Variants in CCDC88A observed in about 807,000 individuals in gnomAD.
CCDC88A encodes girdin.
A neutral mutation model predicts 234.3 loss-of-function variants in CCDC88A; 54 were observed. The observed-to-expected ratio is 0.23, with a 90% confidence interval of 0.19 to 0.29. CCDC88A has a LOEUF of 0.29. CCDC88A is among the 10% of genes least tolerant of loss of function. CCDC88A has a pLI of 1.00. For missense variants in CCDC88A, 1,832 were observed against 2,123.4 expected (o/e 0.86, Z 2.70); for synonymous variants, 753 against 737.8 (o/e 1.02, Z -0.33).
rs958231118 is a variant in CCDC88A at position 55,290,252 on chromosome 2, G to A, written c.*948C>T. ...ATAAATGATAGCCTTAATTATAAAT[G>A]AGTTTCTGGCAAAATGCAGATCATA... On this transcript the variant is annotated 3_prime_UTR_variant, in exon 33 of 33. Coordinates refer to ENST00000436346, the MANE Select transcript of CCDC88A (RefSeq NM_001365480.1). The A allele has an allele frequency of 2.6e-5, 4 of 152,366 alleles. No homozygotes were observed. Among genetic ancestry groups the A allele is most frequent in the Non-Finnish European group, 5.9e-5 (4 of 67,938 alleles). 9.4% of individuals were successfully genotyped at this position (152,366 alleles called of 1,614,324 possible).
At chr2:55,350,466 C>G (rs1453584047) in intron 8 of CCDC88A, 1 of 151,966 alleles carries the variant, frequency 6.6e-6, no homozygotes, top group Admixed American at 6.6e-5. Flanking sequence ...CCTTCACAGT[C>G]AAGCTCCTTA....
intron 14 of CCDC88A, among the ~76,000 whole-genome samples, chr2:55,336,131 T>C (rs1276351328): frequency 6.6e-6 from 1 of 152,130 alleles, no homozygotes; most frequent in Non-Finnish European, 1.5e-5. Context: ...GTGTTCGAGG[T>C]TGCAGTAAGC....
At chr2:55,380,808 G>T (rs541365921) in intron 3 of CCDC88A, among the ~76,000 whole-genome samples, 1 of 152,098 alleles carries the variant, frequency 6.6e-6, no homozygotes, top group East Asian at 1.9e-4. Context: ...TTGGAGACAG[G>T]GTTTCACCAT....
At position 55,317,896 on chromosome 2, in the gene CCDC88A, C is replaced by A; in HGVS notation, c.3325-55G>T. 8.1e-7 allele frequency: 1 copy of A among 1,227,754 alleles called. No individual in the cohort carries two copies. Among genetic ancestry groups the A allele is most frequent in the Non-Finnish European group, 1.1e-6 (1 of 881,226 alleles). The allele number at this position is 1,227,754 out of a possible 1,614,324, so 76.1% of individuals were successfully genotyped here. On this transcript the variant is annotated intron_variant, in intron 19 of 32. Transcript: ENST00000436346. This position sits in a 1 kb window ranked among gnomAD's most constrained non-coding sequence, Gnocchi z 4.2. The stretch of plus-strand genomic sequence containing the variant: ...AAGAAAAACAGTTCATGTTCTTTTT[C>A]AAAATACAAGATTACAATGTTAATT...
At chr2:55,364,416 A>G (rs1437475757) in intron 5 of CCDC88A, among the ~76,000 whole-genome samples, 1 of 152,090 alleles carries the variant, frequency 6.6e-6, no homozygotes, top group Non-Finnish European at 1.5e-5. Context: ...TTCGGAATAC[A>G]GCCAAAATGC....
At chr2:55,302,607 T>G (rs1681031437) in intron 26 of CCDC88A, 1 of 159,376 alleles carries the variant, frequency 6.3e-6, no homozygotes, top group African/African-American at 2.4e-5. Flanking sequence ...CCATGCCACA[T>G]AAAAAAAGAA....
chr2:55,359,699 T>C (rs751910665), intron 7 of CCDC88A, among the ~76,000 whole-genome samples: 1 of 151,532 alleles, frequency 6.6e-6, no homozygotes, highest in Non-Finnish European at 1.5e-5. Flanking sequence ...ATTATAGTTA[T>C]TTTATTAAAA....
At chr2:55,370,108 C>G (rs1445240899) in intron 5 of CCDC88A, among the ~76,000 whole-genome samples, 3 of 152,084 alleles carry the variant, frequency 2.0e-5, no homozygotes. Context: ...AGATGCAAGT[C>G]TTAAGGGCTC....
At position 55,335,222 on chromosome 2, in the gene CCDC88A, A is replaced by G; in HGVS notation, c.1657-58T>C. On this transcript the variant is annotated intron_variant, in intron 14 of 32. Coordinates refer to ENST00000436346, the MANE Select transcript of CCDC88A (RefSeq NM_001365480.1). This position sits in a 1 kb window ranked among gnomAD's most constrained non-coding sequence, Gnocchi z 4.5. ...ATTGAGGAAAAACTAACTATGGTTT[A>G]TCTCTTCCAAAAACTACCAAGAAAA... 9.0e-7 allele frequency: 1 copy of G among 1,116,490 alleles called. No individual in the cohort carries two copies. Among genetic ancestry groups the G allele is most frequent in the Non-Finnish European group, 1.2e-6 (1 of 809,402 alleles). The allele number at this position is 1,116,490 out of a possible 1,614,324, so 69.2% of individuals were successfully genotyped here.
intron 31 of CCDC88A, among the ~76,000 whole-genome samples, chr2:55,293,101 TCA>T (rs1281757411): frequency 1.3e-5 from 2 of 151,990 alleles, no homozygotes; most frequent in Non-Finnish European, 2.9e-5. Context: ...TGTAAAATAA[TCA>T]CATAATTTTA....
intron 17 of CCDC88A, 28 bp from the exon 18 acceptor site, chr2:55,322,720 G>A: frequency 7.8e-7 from 1 of 1,279,578 alleles, no homozygotes; most frequent in East Asian, 2.5e-5. Flanking sequence ...ATATTTTAAT[G>A]GGGAGAAAAA....
At position 55,363,693 on chromosome 2, in the gene CCDC88A, CAT is replaced by C. The variant is rs1433918390; in HGVS notation, c.486+255_486+256del. Reference sequence around the variant, plus strand: ...GCTTTGTAATCCATTCTAACAAAGACATATACCTCATTCCTCAAATAACACTT... The same window carrying C: ...GCTTTGTAATCCATTCTAACAAAGACATACCTCATTCCTCAAATAACACTT... On this transcript the variant is annotated intron_variant, in intron 6 of 32. Coordinates refer to ENST00000436346, the MANE Select transcript of CCDC88A (RefSeq NM_001365480.1). The C allele has an allele frequency of 1.3e-5, 4 of 310,032 alleles. No individual in the cohort carries two copies. The Admixed American group carries it at 2.0e-4, about 15-fold the overall frequency. The allele number at this position is 310,032 out of a possible 1,614,324, so 19.2% of individuals were successfully genotyped here. A position where few individuals can be genotyped will look rare whatever the true frequency, so the allele number is the denominator to read the frequency against.
chr2:55,294,596 G>A (rs1489882778), intron 31 of CCDC88A: 4 of 985,894 alleles, frequency 4.1e-6, no homozygotes, highest in African/African-American at 1.8e-5. Flanking sequence ...GTAATATAAA[G>A]TACACATTCT....
chr2:55,334,342 G>T lies in CCDC88A; in HGVS notation c.2479C>A (p.Leu827Met). 1 of 1,521,104 alleles carries T rather than the reference G, an allele frequency of 6.6e-7. No homozygotes were observed. Among genetic ancestry groups the T allele is most frequent in the Non-Finnish European group, 8.8e-7 (1 of 1,142,460 alleles). The allele number at this position is 1,521,104 out of a possible 1,614,324, so 94.2% of individuals were successfully genotyped here. The change falls in exon 15 of 33, where the codon CTG (leucine) becomes ATG (methionine). Residue 827 changes from leucine to methionine, a missense_variant. Coordinates refer to ENST00000436346, the MANE Select transcript of CCDC88A (RefSeq NM_001365480.1). The surrounding 1 kb of genome is among the most constrained non-coding windows in gnomAD (Gnocchi z 6.1). The stretch of plus-strand genomic sequence containing the variant: ...TCCAATTGTTTCTTATCCTTTTCCA[G>T]TTGAGAAGTCTCTTGCTCTAATGAT... ...NKSLEQETSQ[L>M]EKDKKQLEKE...
intron 25 of CCDC88A, among the ~76,000 whole-genome samples, chr2:55,303,891 TAA>T (rs1457178086): frequency 1.3e-5 from 2 of 152,174 alleles, no homozygotes; most frequent in East Asian, 1.9e-4. Flanking sequence ...TTTTTAAACA[TAA>T]GTTAAAATAT....
chr2:55,348,718 A>G (rs1669500520), intron 9 of CCDC88A: 1 of 152,262 alleles, frequency 6.6e-6, no homozygotes, highest in African/African-American at 2.4e-5. Flanking sequence ...GAGAACCTTT[A>G]GAGAAAACTA....
intron 18 of CCDC88A, 124 bp from the exon 19 acceptor site, chr2:55,319,128 C>T: frequency 1.3e-6 from 1 of 749,970 alleles, no homozygotes; most frequent in Non-Finnish European, 1.9e-6. Flanking sequence ...AAAGCCCCAA[C>T]AATCTTAAAA....
chr2:55,300,207 C>T (rs1289956841), intron 28 of CCDC88A: 1 of 333,450 alleles, frequency 3.0e-6, no homozygotes, highest in Non-Finnish European at 5.7e-6. Context: ...AATAGAATGA[C>T]ATATCCCCCC....
intron 3 of CCDC88A, among the ~76,000 whole-genome samples, chr2:55,382,597 T>C (rs1415195757): frequency 6.6e-6 from 1 of 152,172 alleles, no homozygotes; most frequent in Non-Finnish European, 1.5e-5. Context: ...AAAATAACTT[T>C]AAAGAAAAAT....
Sources: gnomAD v4.1 joint callset for allele counts (sites outside exome capture counted in the v4.1 genomes callset) on GRCh38, gnomAD v4.1.1 for gene constraint, Gnocchi (gnomAD v3.1) non-coding constraint, MANE v1.5 for transcripts, NCBI Gene and HGNC (gene_info 2026-07-23, HGNC 2026-07-21) for gene names.